Variants in MTO1 observed in about 807,000 individuals in gnomAD.
MTO1 encodes the protein 5-taurinomethyluridine-[tRNA] synthase subunit MTO1, mitochondrial.
MTO1 carries 46 observed loss-of-function variants against 71.6 expected under a neutral mutation model. The observed-to-expected ratio is 0.64, with a 90% CI of 0.51 to 0.82. The LOEUF is 0.82. Ranked by LOEUF, MTO1 falls within the 40% of genes least tolerant of loss-of-function variation. MTO1 has a pLI of 0.00. For synonymous variants in MTO1, 297 were observed against 312.1 expected (o/e 0.95, Z 0.51); for missense variants, 773 against 867.5 (o/e 0.89, Z 1.37).
chr6:73,470,192 A>T (rs1356505580), intron 3 of MTO1, among the ~76,000 whole-genome samples: 1 of 151,228 alleles, frequency 6.6e-6, no homozygotes, highest in African/African-American at 2.4e-5. Flanking sequence ...TTATTTATTT[A>T]TTTATTTTTA....
intron 4 of MTO1, 76 bp downstream of exon 4, chr6:73,473,730 T>TC: frequency 7.7e-7 from 1 of 1,294,594 alleles, no homozygotes. Context: ...ACTTTTTTTT[T>TC]TTTTTTTTGG....
chr6:73,474,444 C>T (rs746744704), intron 4 of MTO1, among the ~76,000 whole-genome samples: 3 of 152,018 alleles, frequency 2.0e-5, no homozygotes, highest in Non-Finnish European at 4.4e-5. Context: ...CCCCATAAAT[C>T]GTAAATTTCT....
chr6:73,477,467 C>T (rs1039650079), intron 4 of MTO1, among the ~76,000 whole-genome samples: 5 of 148,810 alleles, frequency 3.4e-5, no homozygotes, highest in African/African-American at 7.4e-5. Context: ...ACATAAAGTC[C>T]GTAGTCACAT....
intron 10 of MTO1, among the ~76,000 whole-genome samples, chr6:73,493,450 G>A (rs1273261153): frequency 6.6e-6 from 1 of 151,030 alleles, no homozygotes; most frequent in Non-Finnish European, 1.5e-5. Flanking sequence ...GAGTGCAATG[G>A]TGCAATCTTG....
Position 73,500,919 on chromosome 6 carries a change from G to T in MTO1, c.*184G>T. On this transcript the variant is annotated 3_prime_UTR_variant, in exon 12 of 12. Coordinates refer to ENST00000498286, the MANE Select transcript of MTO1 (RefSeq NM_012123.4). The stretch of plus-strand genomic sequence containing the variant: ...TTTCGTGTATATGAAAAAACTAGTC[G>T]TAAACAATTTGTACTCTTTCTTTAA... 1 of 445,944 alleles carries T rather than the reference G, an allele frequency of 2.2e-6. No homozygotes were observed. The highest frequency in any genetic ancestry group is 3.8e-6 in the Non-Finnish European group (1 of 265,814). 27.6% of individuals were successfully genotyped at this position (445,944 alleles called of 1,614,324 possible).
intron 10 of MTO1, among the ~76,000 whole-genome samples, chr6:73,497,138 C>T (rs1422616805): frequency 1.4e-5 from 2 of 143,140 alleles, no homozygotes; most frequent in Non-Finnish European, 3.0e-5. Context: ...AAGATTTGCA[C>T]TGACAGCGGA....
At chr6:73,476,738 C>A (rs184249797) in intron 4 of MTO1, among the ~76,000 whole-genome samples, 15 of 151,852 alleles carry the variant, frequency 9.9e-5, no homozygotes, top group African/African-American at 3.4e-4. Flanking sequence ...TTTTATATAA[C>A]CCTTATGCAA....
Position 73,485,436 on chromosome 6 carries a change from T to C in MTO1, c.1637+2816T>C, listed in dbSNP as rs9341426. Reference sequence around the variant, plus strand: ...TGCAGTCTACCACTTAGCCTTTCTTTCTTTCTTTTTTTTTTTTTTTGAGAC... The same window carrying C: ...TGCAGTCTACCACTTAGCCTTTCTTCCTTTCTTTTTTTTTTTTTTTGAGAC... On this transcript the variant is annotated intron_variant, in intron 9 of 11. Transcript: ENST00000498286. Among the ~76,000 whole-genome samples the C allele has an allele frequency of 1.1e-3, 169 of 150,240 alleles. 7 individuals carry two copies. The East Asian group carries it at 0.03, about 27-fold the overall frequency.
At chr6:73,467,065 G>T (rs1460837869) in intron 3 of MTO1, among the ~76,000 whole-genome samples, 1 of 152,082 alleles carries the variant, frequency 6.6e-6, no homozygotes, top group Non-Finnish European at 1.5e-5. Context: ...CGTAATCCTA[G>T]CACTTTGGGA....
At position 73,501,883 on chromosome 6, in the gene MTO1, A is replaced by G. The variant is rs1358603509; in HGVS notation, c.*1148A>G. On this transcript the variant is annotated 3_prime_UTR_variant, in exon 12 of 12. Coordinates refer to ENST00000498286, the MANE Select transcript of MTO1 (RefSeq NM_012123.4). The stretch of plus-strand genomic sequence containing the variant: ...CCTGATTATGGGTGTGAGGCAACCA[A>G]GTATCTTGTTACTATAATTGCATAT... The G allele has an allele frequency of 6.6e-6, 1 of 152,182 alleles. No individual in the cohort carries two copies. The highest frequency in any genetic ancestry group is 1.5e-5 in the Non-Finnish European group (1 of 68,040). The allele number at this position is 152,182 out of a possible 1,614,324, so 9.4% of individuals were successfully genotyped here.
At chr6:73,493,556 A>C (rs1044239772) in intron 10 of MTO1, among the ~76,000 whole-genome samples, 1 of 151,322 alleles carries the variant, frequency 6.6e-6, no homozygotes, top group Non-Finnish European at 1.5e-5. Flanking sequence ...AGGCCCGGCA[A>C]ATTTTTGTAT....
rs1032303334 is a variant in MTO1, at chr6:73,501,882, A to G, written c.*1147A>G. 8 of 152,198 alleles carry G rather than the reference A, an allele frequency of 5.3e-5. No individual in the cohort carries two copies. The highest frequency in any genetic ancestry group is 2.1e-4 in the South Asian group (1 of 4,836). 9.4% of individuals were successfully genotyped at this position (152,198 alleles called of 1,614,324 possible). A position where few individuals can be genotyped will look rare whatever the true frequency, so the allele number is the denominator to read the frequency against. ...GCCTGATTATGGGTGTGAGGCAACC[A>G]AGTATCTTGTTACTATAATTGCATA... On this transcript the variant is annotated 3_prime_UTR_variant, in exon 12 of 12. Coordinates refer to ENST00000498286, the MANE Select transcript of MTO1 (RefSeq NM_012123.4).
intron 9 of MTO1, 102 bp downstream of exon 9, chr6:73,482,722 C>T: frequency 2.4e-6 from 2 of 817,216 alleles, no homozygotes; most frequent in Non-Finnish European, 3.5e-6. Flanking sequence ...CTACACATTT[C>T]AAATGAATGT....
chr6:73,463,483 A>C (rs1051356777), intron 1 of MTO1, among the ~76,000 whole-genome samples: 1 of 152,146 alleles, frequency 6.6e-6, no homozygotes, highest in Non-Finnish European at 1.5e-5. Flanking sequence ...ATCAACTTGT[A>C]AATTATGTAT....
rs1772240072 is a variant in MTO1, at chr6:73,504,626, T to G, written c.*3891T>G. 6.6e-6 allele frequency: 1 copy of G among 152,282 alleles called. No individual in the cohort carries two copies. Among genetic ancestry groups the G allele is most frequent in the South Asian group, 2.1e-4 (1 of 4,838 alleles). 9.4% of individuals were successfully genotyped at this position (152,282 alleles called of 1,614,324 possible). A position where few individuals can be genotyped will look rare whatever the true frequency, so the allele number is the denominator to read the frequency against. ...TTTGTGACAGGCCAGGCACGGTGGC[T>G]TACGCCTGTAATCCCAGCACTTTGG... On this transcript the variant is annotated 3_prime_UTR_variant, in exon 12 of 12. Transcript: ENST00000498286.
At chr6:73,475,307 A>G (rs1771281202) in intron 4 of MTO1, among the ~76,000 whole-genome samples, 1 of 151,516 alleles carries the variant, frequency 6.6e-6, no homozygotes, top group Non-Finnish European at 1.5e-5. Flanking sequence ...TTTGAGATGG[A>G]GATTCAGTCT....
intron 10 of MTO1, among the ~76,000 whole-genome samples, chr6:73,494,163 A>G (rs564573317): frequency 6.6e-6 from 1 of 152,162 alleles, no homozygotes; most frequent in East Asian, 1.9e-4. Flanking sequence ...TGCACCCAGG[A>G]GACGGAGGTT....
rs185332396 is a variant in MTO1 at position 73,465,611 on chromosome 6, T to A, written c.218-598T>A. Among the ~76,000 whole-genome samples the A allele has an allele frequency of 1.5e-3, 230 of 152,080 alleles. 1 individual carries two copies. Among genetic ancestry groups the A allele is most frequent in the Non-Finnish European group, 2.2e-3 (152 of 67,980 alleles). On this transcript the variant is annotated intron_variant, in intron 1 of 11. Transcript: ENST00000498286. ...ACCAAGTATACTTGGTTTAGAAAGG[T>A]TTCATGGGGTAAGGATTACATGTTT...
At chr6:73,477,088 A>G (rs1323189903) in intron 4 of MTO1, among the ~76,000 whole-genome samples, 2 of 150,854 alleles carry the variant, frequency 1.3e-5, no homozygotes, top group Non-Finnish European at 3.0e-5. Flanking sequence ...CGCCTGACCA[A>G]AAAATTTTTT....
Sources: allele counts gnomAD v4.1 joint callset (sites outside exome capture counted in the v4.1 genomes callset), GRCh38; gene constraint gnomAD v4.1.1; transcripts MANE v1.5; gene names NCBI Gene and HGNC (gene_info 2026-07-23, HGNC 2026-07-21).